Variants in PHYKPL observed in about 807,000 individuals in gnomAD.
PHYKPL encodes the protein 5-phosphohydroxy-L-lysine phospho-lyase.
In PHYKPL, 42 loss-of-function variants were observed where a neutral mutation model predicts 51.3. The observed-to-expected ratio is 0.82, with a 90% confidence interval of 0.64 to 1.06. The LOEUF is 1.06. Ranked by LOEUF, PHYKPL falls within the 50% of genes least tolerant of loss-of-function variation. The pLI is 0.00. For synonymous variants in PHYKPL, 264 were observed against 236.0 expected (o/e 1.12, Z -1.09); for missense variants, 655 against 586.6 (o/e 1.12, Z -1.20).
downstream of PHYKPL, chr5:178,207,242 TC>T (rs1757106404): frequency 6.2e-7 from 1 of 1,613,344 alleles, no homozygotes; most frequent in African/African-American, 1.3e-5. Flanking sequence ...TGTTCCCAGC[TC>T]TGCTTGGCCT....
intron 8 of PHYKPL, among the ~76,000 whole-genome samples, chr5:178,219,585 G>T (rs1034543693): frequency 6.6e-6 from 1 of 151,910 alleles, no homozygotes; most frequent in African/African-American, 2.4e-5. Flanking sequence ...GAGTAGCTGG[G>T]ACTACAGGTG....
intron 12 of PHYKPL, chr5:178,210,631 G>T: frequency 6.2e-7 from 1 of 1,610,910 alleles, no homozygotes; most frequent in Non-Finnish European, 8.5e-7. Flanking sequence ...TGAGGCGGCA[G>T]CAGGAGCGAC....
At chr5:178,213,168 T>G in intron 10 of PHYKPL, 65 bp from the exon 11 acceptor site, 1 of 1,588,444 alleles carries the variant, frequency 6.3e-7, no homozygotes, top group Non-Finnish European at 8.6e-7. Flanking sequence ...CTTGGCCTCA[T>G]GTCCAGTGCT....
downstream of PHYKPL, among the ~76,000 whole-genome samples, chr5:178,207,524 CTAGA>C (rs1351661496): frequency 6.6e-6 from 1 of 152,004 alleles, no homozygotes; most frequent in Non-Finnish European, 1.5e-5. Context: ...GGTGACAGTT[CTAGA>C]TTCTTGAGTC....
intron 11 of PHYKPL, 117 bp downstream of exon 11, chr5:178,212,856 G>A (rs1318036617): frequency 7.1e-7 from 1 of 1,415,494 alleles, no homozygotes; most frequent in Non-Finnish European, 9.6e-7. Context: ...CCTGTCCAGA[G>A]GACATGTGCC....
At chr5:178,230,245 GGAGA>G (rs1763113002) in intron 2 of PHYKPL, 146 bp from the exon 3 acceptor site, 2 of 963,308 alleles carry the variant, frequency 2.1e-6, no homozygotes, top group African/African-American at 3.3e-5. Flanking sequence ...GGCAGAGCAG[GGAGA>G]GAGAAGCTGG....
At chr5:178,232,428 C>CGTAGTGCGTGCGTGCGTGCGTA in intron 1 of PHYKPL, 64 bp downstream of exon 1, 1 of 1,367,752 alleles carries the variant, frequency 7.3e-7, no homozygotes, top group East Asian at 3.2e-5. Context: ...GTGCGTGCGT[C>CGTAGTGCGTGCGTGCGTGCGTA]GTGCGTGCGC....
At chr5:178,210,433 C>G (rs1332290659) in intron 12 of PHYKPL, 1 of 1,514,156 alleles carries the variant, frequency 6.6e-7, no homozygotes, top group African/African-American at 1.4e-5. Context: ...GTCTTAATAA[C>G]ATGAGGAAGG....
At chr5:178,217,720 T>A (rs1156401758) in intron 8 of PHYKPL, among the ~76,000 whole-genome samples, 1 of 150,106 alleles carries the variant, frequency 6.7e-6, no homozygotes, top group African/African-American at 2.5e-5. Context: ...TAGCTGGGCA[T>A]CATGGCGGGC....
At chr5:178,231,746 C>T in intron 1 of PHYKPL, 1 of 1,513,618 alleles carries the variant, frequency 6.6e-7, no homozygotes, top group East Asian at 2.7e-5. Flanking sequence ...CGGATTGTTT[C>T]TGAAAGCATT....
chr5:178,231,732 A>AC, intron 1 of PHYKPL: 1 of 1,528,272 alleles, frequency 6.5e-7, no homozygotes, highest in Non-Finnish European at 8.8e-7. Flanking sequence ...AGTCGCTGAA[A>AC]CTTCGGATTG....
intron 6 of PHYKPL, chr5:178,223,405 T>C (rs1269282675): frequency 2.2e-6 from 1 of 456,356 alleles, no homozygotes; most frequent in Non-Finnish European, 4.4e-6. Context: ...ATCCTCCACA[T>C]GGCCACCAGG....
intron 8 of PHYKPL, among the ~76,000 whole-genome samples, chr5:178,217,372 C>T (rs1760022915): frequency 6.6e-6 from 1 of 151,834 alleles, no homozygotes; most frequent in Non-Finnish European, 1.5e-5. Context: ...AGGTGCATGC[C>T]ACCACATCTG....
At chr5:178,231,347 C>T in intron 2 of PHYKPL, 58 bp downstream of exon 2, 1 of 1,612,432 alleles carries the variant, frequency 6.2e-7, no homozygotes, top group Non-Finnish European at 8.5e-7. Context: ...CACCTTGGGA[C>T]CAGGTTCACA....
At position 178,232,453 on chromosome 5, in the gene PHYKPL, A is replaced by AGCCCCGC; in HGVS notation, c.59+32_59+38dup. On this transcript the variant is annotated intron_variant, in intron 1 of 12. Coordinates refer to ENST00000308158, the MANE Select transcript of PHYKPL (RefSeq NM_153373.4). ...CGTGCGTGCGCGTGCCTCTCCGCGC[A>AGCCCCGC]GCCCCGCGCCCCCCGCCGCCCGCCC... 8 of 1,377,206 alleles carry AGCCCCGC rather than the reference A, an allele frequency of 5.8e-6. 1 individual carries two copies. Among genetic ancestry groups the AGCCCCGC allele is most frequent in the Admixed American group, 3.7e-5 (1 of 27,324 alleles). The allele number at this position is 1,377,206 out of a possible 1,614,324, so 85.3% of individuals were successfully genotyped here.
chr5:178,228,652 T>G, intron 3 of PHYKPL: 1 of 699,666 alleles, frequency 1.4e-6, no homozygotes, highest in Non-Finnish European at 2.6e-6. Context: ...ATGTCTGTAC[T>G]GTGTGAGTGG....
intron 10 of PHYKPL, among the ~76,000 whole-genome samples, chr5:178,214,403 A>C (rs942185075): frequency 6.6e-6 from 1 of 152,108 alleles, no homozygotes; most frequent in Non-Finnish European, 1.5e-5. Flanking sequence ...CCCTGAGTCT[A>C]GTGCTGCCAC....
At chr5:178,209,341 G>T (rs1757444222) in intron 12 of PHYKPL, 1 of 1,614,196 alleles carries the variant, frequency 6.2e-7, no homozygotes, top group South Asian at 1.1e-5. Flanking sequence ...GTGAGATCAA[G>T]GTGGCCCAGC....
chr5:178,219,828 G>A (rs1172088581), intron 8 of PHYKPL, among the ~76,000 whole-genome samples: 1 of 152,060 alleles, frequency 6.6e-6, no homozygotes, highest in African/African-American at 2.4e-5. Flanking sequence ...CTGAAATCAG[G>A]GAATGGCATA....
Sources: gnomAD v4.1 joint callset for allele counts (sites outside exome capture counted in the v4.1 genomes callset) on GRCh38, gnomAD v4.1.1 for gene constraint, MANE v1.5 for transcripts, NCBI Gene and HGNC (gene_info 2026-07-23, HGNC 2026-07-21) for gene names.